ZMAT3: variants seen among roughly 807,000 people sequenced by gnomAD.
ZMAT3 encodes zinc finger matrin-type protein 3.
In ZMAT3, 17 loss-of-function variants were observed where a neutral mutation model predicts 32.3. The observed-to-expected ratio is 0.53, with a 90% confidence interval of 0.36 to 0.79. The LOEUF (loss-of-function observed/expected upper bound fraction) is 0.79, where lower values mean the gene tolerates loss of function less well. ZMAT3 is among the 30% of genes least tolerant of loss of function. The probability of loss-of-function intolerance (pLI) is 0.00; values close to 1 mark genes in which losing one functional copy is unlikely to be tolerated. For synonymous variants in ZMAT3, 120 were observed against 133.1 expected (o/e 0.90, Z 0.68); for missense variants, 329 against 359.7 (o/e 0.91, Z 0.69).
chr3:179,065,869 G>A (rs1306119659), intron 2 of ZMAT3, among the ~76,000 whole-genome samples: 1 of 152,054 alleles, frequency 6.6e-6, no homozygotes, highest in Non-Finnish European at 1.5e-5. Context: ...TCGCGCCACT[G>A]CACTCCAGCC....
chr3:179,059,826 G>A (rs545127585), intron 2 of ZMAT3, among the ~76,000 whole-genome samples: 23 of 152,286 alleles, frequency 1.5e-4, no homozygotes, highest in African/African-American at 5.3e-4. Context: ...TGAGAGGGGG[G>A]ACTGAGAGAC....
intron 3 of ZMAT3, among the ~76,000 whole-genome samples, chr3:179,028,817 A>C (rs192194791): frequency 1.3e-5 from 2 of 152,324 alleles, no homozygotes; most frequent in East Asian, 3.9e-4. Flanking sequence ...ACTAACACTC[A>C]GAAAAGTAAA....
rs374634142 is a variant in ZMAT3 at position 179,067,591 on chromosome 3, C to T, written c.162G>A (p.Ser54=). 20 of 1,614,076 alleles carry T rather than the reference C, an allele frequency of 1.2e-5. No individual in the cohort carries two copies. The highest frequency in any genetic ancestry group is 2.7e-5 in the African/African-American group (2 of 74,930). The change falls in exon 2 of 6, where the codon TCG becomes TCA. Residue 54 remains serine (S), a synonymous_variant. Transcript: ENST00000311417. ...SLPLAGEEEL[S]KGGEQDCALE... is the part of the protein sequence containing the mutation. ...GGGCACAGTCTTGCTCCCCTCCCTT[C>T]GATAACTCTTCTTCCCCTGCAAGAG...
At chr3:179,052,934 C>T (rs1172009186) in intron 2 of ZMAT3, among the ~76,000 whole-genome samples, 1 of 152,044 alleles carries the variant, frequency 6.6e-6, no homozygotes, top group African/African-American at 2.4e-5. Context: ...TCAAGATCAG[C>T]CTGGCCAACA....
intron 1 of ZMAT3, 66 bp downstream of exon 1, chr3:179,071,529 C>G (rs1301413384): frequency 2.0e-5 from 3 of 152,258 alleles, no homozygotes; most frequent in Non-Finnish European, 4.4e-5. Flanking sequence ...GGAAAGGAAC[C>G]GCTAGTCCCC....
At chr3:179,051,884 G>A (rs926069802) in intron 2 of ZMAT3, among the ~76,000 whole-genome samples, 1 of 152,050 alleles carries the variant, frequency 6.6e-6, no homozygotes, top group Non-Finnish European at 1.5e-5. Flanking sequence ...AATACTTACG[G>A]TCAACTGATC....
Position 179,019,112 on chromosome 3 carries a change from C to T in ZMAT3, c.*5905G>A, listed in dbSNP as rs1319863311. The T allele has an allele frequency of 6.6e-6, 1 of 152,020 alleles. No homozygotes were observed. The highest frequency in any genetic ancestry group is 1.9e-4 in the East Asian group (1 of 5,190). The allele number at this position is 152,020 out of a possible 1,614,324, so 9.4% of individuals were successfully genotyped here. On this transcript the variant is annotated 3_prime_UTR_variant, in exon 6 of 6. Transcript: ENST00000311417. ...GAAGCTGCATAGTTTGGCAAAAATA[C>T]ATTATCAGAAGTGGGGAAAAGAAAA...
At chr3:179,051,183 G>T (rs1476968364) in intron 2 of ZMAT3, among the ~76,000 whole-genome samples, 1 of 152,186 alleles carries the variant, frequency 6.6e-6, no homozygotes, top group Non-Finnish European at 1.5e-5. Flanking sequence ...AATCAATAAA[G>T]AGGAAGTCAA....
At chr3:179,049,527 T>A (rs537384974) in intron 2 of ZMAT3, among the ~76,000 whole-genome samples, 3 of 152,228 alleles carry the variant, frequency 2.0e-5, no homozygotes, top group African/African-American at 7.2e-5. Flanking sequence ...CTCAAAACCA[T>A]GCGAATACAT....
At chr3:179,041,751 G>C (rs1719941664) in intron 2 of ZMAT3, among the ~76,000 whole-genome samples, 1 of 151,966 alleles carries the variant, frequency 6.6e-6, no homozygotes, top group Admixed American at 6.6e-5. Flanking sequence ...AACTGAAAGA[G>C]ACAGACACAC....
intron 2 of ZMAT3, among the ~76,000 whole-genome samples, chr3:179,043,622 A>G (rs1720073389): frequency 6.6e-6 from 1 of 152,254 alleles, no homozygotes; most frequent in African/African-American, 2.4e-5. Context: ...TAAAAATCCT[A>G]GAAGAAAACC....
At chr3:179,025,364 G>A (rs1431805900) in intron 5 of ZMAT3, 136 bp from the exon 6 acceptor site, 1 of 737,326 alleles carries the variant, frequency 1.4e-6, no homozygotes, top group Non-Finnish European at 2.2e-6. Flanking sequence ...TGAATGTGAA[G>A]TTAATGGATT....
At chr3:179,035,128 A>T (rs1296066819) in intron 2 of ZMAT3, among the ~76,000 whole-genome samples, 1 of 151,678 alleles carries the variant, frequency 6.6e-6, no homozygotes, top group Non-Finnish European at 1.5e-5. Context: ...AAAATTGACA[A>T]ATCTTACCTA....
chr3:179,061,822 T>C lies in ZMAT3; in HGVS notation c.270+5661A>G, dbSNP rs192114109. ...ACTCATAATAGTGCAAAATTCCCTATTCACAATAATGCAAAAACTCAATGT... is the reference window on the plus strand; with the variant it reads ...ACTCATAATAGTGCAAAATTCCCTACTCACAATAATGCAAAAACTCAATGT... On this transcript the variant is annotated intron_variant, in intron 2 of 5. Coordinates refer to ENST00000311417, the MANE Select transcript of ZMAT3 (RefSeq NM_022470.4). Among the ~76,000 whole-genome samples, 38 of 152,290 alleles carry C rather than the reference T, an allele frequency of 2.5e-4. No homozygotes were observed. The East Asian group carries it at 6.4e-3, about 26-fold the overall frequency.
chr3:179,066,157 A>G (rs1057368210), intron 2 of ZMAT3, among the ~76,000 whole-genome samples: 3 of 152,170 alleles, frequency 2.0e-5, no homozygotes, highest in Non-Finnish European at 4.4e-5. Flanking sequence ...AAAGACAGGC[A>G]AAGGAAGACC....
intron 2 of ZMAT3, 129 bp from the exon 3 acceptor site, chr3:179,031,128 T>C: frequency 1.4e-6 from 1 of 718,388 alleles, no homozygotes; most frequent in South Asian, 2.9e-5. Flanking sequence ...ATTCACATAA[T>C]TTCCATGACA....
At chr3:179,047,037 G>C (rs1366002210) in intron 2 of ZMAT3, among the ~76,000 whole-genome samples, 2 of 152,090 alleles carry the variant, frequency 1.3e-5, no homozygotes, top group Non-Finnish European at 2.9e-5. Flanking sequence ...CTCCTGGCTG[G>C]AGACCAACCA....
rs374609084 is a variant in ZMAT3, at chr3:179,065,343, T to C, written c.270+2140A>G. On this transcript the variant is annotated intron_variant, in intron 2 of 5. Coordinates refer to ENST00000311417, the MANE Select transcript of ZMAT3 (RefSeq NM_022470.4). ...TTATTCACTGTATCACTGAGGAAAC[T>C]GAAATTAAGTATAATTACTAATCTT... Among the ~76,000 whole-genome samples, 5 of 152,324 alleles carry C rather than the reference T, an allele frequency of 3.3e-5. No homozygotes were observed. In the East Asian group the frequency reaches 9.6e-4, roughly 29 times the overall value.
rs985382538 is a variant in ZMAT3, at chr3:179,027,645, C to T, written c.557+1G>A. 2 of 1,614,052 alleles carry T rather than the reference C, an allele frequency of 1.2e-6. No homozygotes were observed. The highest frequency in any genetic ancestry group is 1.7e-6 in the Non-Finnish European group (2 of 1,179,964). On this transcript the variant is annotated splice_donor_variant, in intron 4 of 5. Transcript: ENST00000311417. LOFTEE classifies it high-confidence loss of function. Reference sequence around the variant, plus strand: ...GCCTCAGAGAAAATGGCAATACCTACGAGAATGAGTTACTCTGAGCTTCCG... The same window carrying T: ...GCCTCAGAGAAAATGGCAATACCTATGAGAATGAGTTACTCTGAGCTTCCG...
Sources: gnomAD v4.1 joint callset for allele counts (sites outside exome capture counted in the v4.1 genomes callset) on GRCh38, gnomAD v4.1.1 for gene constraint, MANE v1.5 for transcripts, NCBI Gene and HGNC (gene_info 2026-07-23, HGNC 2026-07-21) for gene names.